Variants in DGKD observed in about 807,000 individuals in gnomAD.
The protein encoded by DGKD is DAG kinase delta.
In DGKD, 68 loss-of-function variants were observed where a neutral mutation model predicts 154.4. The ratio of observed to expected loss-of-function variants is 0.44; its 90% CI spans 0.36 to 0.54. The LOEUF (loss-of-function observed/expected upper bound fraction) is 0.54. Among genes scored for constraint, DGKD ranks in the 20% least tolerant of loss-of-function variants. The pLI is 0.00. For synonymous variants in DGKD, 693 were observed against 638.0 expected (o/e 1.09, Z -1.30); for missense variants, 1,343 against 1,593.6 (o/e 0.84, Z 2.68).
At chr2:233,432,801 T>G (rs2062574065) in intron 3 of DGKD, among the ~76,000 whole-genome samples, 1 of 152,300 alleles carries the variant, frequency 6.6e-6, no homozygotes, top group African/African-American at 2.4e-5. Context: ...TAGACATTTC[T>G]CAAAAGAAGA....
At chr2:233,358,745 G>A (rs1363935592) in intron 1 of DGKD, among the ~76,000 whole-genome samples, 5 of 152,088 alleles carry the variant, frequency 3.3e-5, no homozygotes, top group African/African-American at 1.2e-4. Context: ...TCTTTCTGTT[G>A]CTGGGTAATA....
intron 1 of DGKD, chr2:233,386,080 G>A: frequency 1.9e-5 from 8 of 428,080 alleles, no homozygotes; most frequent in African/African-American, 4.1e-5. Context: ...TGTAGCAGGA[G>A]ATGCAAGAAA....
intron 1 of DGKD, among the ~76,000 whole-genome samples, chr2:233,368,562 C>T (rs1012064345): frequency 2.0e-5 from 3 of 152,124 alleles, no homozygotes; most frequent in African/African-American, 7.2e-5. Context: ...TTAAGGACCA[C>T]AGTTCCTCCT....
intron 17 of DGKD, among the ~76,000 whole-genome samples, chr2:233,451,315 G>T (rs573332589): frequency 6.6e-6 from 1 of 152,068 alleles, no homozygotes; most frequent in African/African-American, 2.4e-5. Context: ...CTCGAGTCGG[G>T]GTTGGAAGAA....
intron 1 of DGKD, among the ~76,000 whole-genome samples, chr2:233,367,257 C>G (rs1411157986): frequency 6.7e-6 from 1 of 149,652 alleles, no homozygotes; most frequent in African/African-American, 2.5e-5. Flanking sequence ...CAGACAGAAT[C>G]TCACTCTGTC....
chr2:233,425,994 A>G (rs536871086), intron 3 of DGKD, among the ~76,000 whole-genome samples: 44 of 152,276 alleles, frequency 2.9e-4, no homozygotes, highest in Non-Finnish European at 4.9e-4. Flanking sequence ...GGTTGTATTA[A>G]TTTTTGCCCC....
At position 233,458,178 on chromosome 2, in the gene DGKD, T is replaced by C. The variant is rs559033948; in HGVS notation, c.2581-106T>C. On this transcript the variant is annotated intron_variant, in intron 21 of 29. Coordinates refer to ENST00000264057, the MANE Select transcript of DGKD (RefSeq NM_152879.3). The surrounding 1 kb of genome is among the most constrained non-coding windows in gnomAD (Gnocchi z 6.6). ...AGGAGTGCAGTTACCTGGTAACTTC[T>C]CGCCAGCTAGGAGGGGCTGACCCCC... 3 of 654,256 alleles carry C rather than the reference T, an allele frequency of 4.6e-6. No homozygotes were observed. In the South Asian group the frequency reaches 6.1e-5, roughly 13 times the overall value. 40.5% of individuals were successfully genotyped at this position (654,256 alleles called of 1,614,324 possible). A position where few individuals can be genotyped will look rare whatever the true frequency, so the allele number is the denominator to read the frequency against.
In DGKD at chr2:233,443,494, A is replaced by C. The variant is rs905792088; in HGVS notation, c.1194+1499A>C. Among the ~76,000 whole-genome samples the C allele has an allele frequency of 7.2e-5, 11 of 152,116 alleles. No homozygotes were observed. In the East Asian group the frequency reaches 2.1e-3, roughly 29 times the overall value. ...GTCTTTTCTTTCATGATTTTTGTCA[A>C]CGTCTGTCATATTTGCAGCTGCCTA... On this transcript the variant is annotated intron_variant, in intron 10 of 29. Coordinates refer to ENST00000264057, the MANE Select transcript of DGKD (RefSeq NM_152879.3).
At chr2:233,362,974 T>TATAGC (rs1430482391) in intron 1 of DGKD, among the ~76,000 whole-genome samples, 5 of 152,234 alleles carry the variant, frequency 3.3e-5, no homozygotes, top group Admixed American at 6.5e-5. Context: ...GGTAGAAAAG[T>TATAGC]ATAGCACATA....
intron 14 of DGKD, among the ~76,000 whole-genome samples, chr2:233,448,736 A>G (rs995940920): frequency 1.3e-5 from 2 of 152,174 alleles, no homozygotes; most frequent in African/African-American, 4.8e-5. Context: ...AAAGCAGCCA[A>G]CCAGAGGCTG....
chr2:233,451,392 G>A lies in DGKD; in HGVS notation c.2167+342G>A, dbSNP rs13422131. Among the ~76,000 whole-genome samples the A allele has an allele frequency of 4.4e-3, 671 of 152,158 alleles. 4 individuals carry two copies. Among genetic ancestry groups the A allele is most frequent in the African/African-American group, 0.015 (638 of 41,482 alleles). The stretch of plus-strand genomic sequence containing the variant: ...ATGAGGGAACCCGAGGGACCATCCC[G>A]TGCTTCTAGCGTGGTCGCAGGAGGC... On this transcript the variant is annotated intron_variant, in intron 17 of 29. Transcript: ENST00000264057.
chr2:233,432,507 A>C (rs2062560353), intron 3 of DGKD, among the ~76,000 whole-genome samples: 1 of 152,148 alleles, frequency 6.6e-6, no homozygotes, highest in African/African-American at 2.4e-5. Flanking sequence ...AAAATACAAA[A>C]AATTAGCTGG....
At chr2:233,465,896 T>A (rs2063808945) in intron 27 of DGKD, among the ~76,000 whole-genome samples, 1 of 142,942 alleles carries the variant, frequency 7.0e-6, no homozygotes, top group African/African-American at 3.0e-5. Context: ...TAATAATAAT[T>A]AAAACACCAT....
chr2:233,405,128 A>G (rs1039232022), intron 3 of DGKD, among the ~76,000 whole-genome samples: 1 of 152,238 alleles, frequency 6.6e-6, no homozygotes, highest in Non-Finnish European at 1.5e-5. Flanking sequence ...AATTAAATTT[A>G]AGATATGTAT....
At chr2:233,388,032 C>T in intron 1 of DGKD, 1 of 964,498 alleles carries the variant, frequency 1.0e-6, no homozygotes, top group Non-Finnish European at 1.4e-6. Context: ...GACACCCCCA[C>T]CCACACAGGC....
At chr2:233,385,667 G>T (rs1703133003) in intron 1 of DGKD, among the ~76,000 whole-genome samples, 1 of 152,098 alleles carries the variant, frequency 6.6e-6, no homozygotes, top group African/African-American at 2.4e-5. Context: ...ATTTCCTGTG[G>T]GTGCCTTTCA....
In DGKD at chr2:233,457,280, C is replaced by G; in HGVS notation, c.2532C>G (p.Pro844=). The G allele has an allele frequency of 6.5e-7, 1 of 1,530,076 alleles. No homozygotes were observed. The highest frequency in any genetic ancestry group is 8.8e-7 in the Non-Finnish European group (1 of 1,139,052). 94.8% of individuals were successfully genotyped at this position (1,530,076 alleles called of 1,614,324 possible). A position where few individuals can be genotyped will look rare whatever the true frequency, so the allele number is the denominator to read the frequency against. Residue 844 remains proline, a synonymous_variant, in exon 21 of 30, where the codon CCC becomes CCG. Transcript: ENST00000264057. The surrounding 1 kb of genome is among the most constrained non-coding windows in gnomAD (Gnocchi z 5.5). The part of the protein sequence containing the change: ...SLQGIAVLNI[P]SYAGGTNFWG... The stretch of plus-strand genomic sequence containing the variant: ...AGGGAATTGCTGTCCTTAACATTCC[C>G]AGCTATGCCGGAGGAACCAACTTCT...
chr2:233,387,012 G>A (rs928972617), intron 1 of DGKD, among the ~76,000 whole-genome samples: 2 of 152,188 alleles, frequency 1.3e-5, no homozygotes, highest in Admixed American at 1.3e-4. Flanking sequence ...ATGGCGTGTC[G>A]GGCTGGGGGC....
intron 1 of DGKD, among the ~76,000 whole-genome samples, chr2:233,377,458 G>A (rs1270405223): frequency 6.6e-6 from 1 of 152,132 alleles, no homozygotes; most frequent in African/African-American, 2.4e-5. Flanking sequence ...GTTCCGTAGT[G>A]TATAAAAATA....
Sources: gnomAD v4.1 joint callset for allele counts (sites outside exome capture counted in the v4.1 genomes callset) on GRCh38, gnomAD v4.1.1 for gene constraint, Gnocchi (gnomAD v3.1) non-coding constraint, MANE v1.5 for transcripts, NCBI Gene and HGNC (gene_info 2026-07-23, HGNC 2026-07-21) for gene names.